The following TNKS variants were observed in gnomAD, a reference collection of about 807,000 sequenced individuals.
TNKS encodes the protein poly [ADP-ribose] polymerase tankyrase-1.
Under a neutral mutation model 135.8 loss-of-function variants are expected in TNKS, and 72 were observed. The observed-to-expected ratio is 0.53, with a 90% CI of 0.44 to 0.64. The LOEUF (loss-of-function observed/expected upper bound fraction) is 0.64. Ranked by LOEUF, TNKS falls within the 30% of genes least tolerant of loss-of-function variation. TNKS has a pLI of 0.00. For synonymous variants in TNKS, 849 were observed against 649.3 expected, an observed-to-expected ratio of 1.31 and a Z score of -4.68; for missense variants, 1,769 against 1,674.0, an observed-to-expected ratio of 1.06 and a Z score of -0.99.
chr8:9,598,947 GT>G (rs917199241), intron 2 of TNKS, among the ~76,000 whole-genome samples: 6 of 151,420 alleles, frequency 4.0e-5, no homozygotes, highest in African/African-American at 1.5e-4. Context: ...CTGATGAAGT[GT>G]TTCTCATGTT....
In TNKS at chr8:9,675,536, G is replaced by A. The variant is rs542699478; in HGVS notation, c.995-4415G>A. Among the ~76,000 whole-genome samples the A allele has an allele frequency of 1.3e-3, 205 of 152,300 alleles. 1 individual carries two copies. The highest frequency in any genetic ancestry group is 2.2e-3 in the Non-Finnish European group (153 of 68,014). On this transcript the variant is annotated intron_variant, in intron 3 of 26. Transcript: ENST00000310430. ...ACCTCAGTGAATTTTCTTTATTCCT[G>A]AAATTCCCTTGGCCCAATAGCCTTT...
intron 3 of TNKS, among the ~76,000 whole-genome samples, chr8:9,673,283 A>G (rs1802383929): frequency 6.6e-6 from 1 of 152,126 alleles, no homozygotes; most frequent in Non-Finnish European, 1.5e-5. Context: ...TGTGTTTTTG[A>G]AATGTTTTAG....
intron 3 of TNKS, among the ~76,000 whole-genome samples, chr8:9,647,975 C>G (rs184769696): frequency 1.3e-5 from 2 of 152,240 alleles, no homozygotes; most frequent in African/African-American, 2.4e-5. Context: ...AGTTATAACA[C>G]AGTGGTAAGC....
At chr8:9,719,693 T>C (rs1452116364) in intron 11 of TNKS, among the ~76,000 whole-genome samples, 2 of 152,106 alleles carry the variant, frequency 1.3e-5, no homozygotes, top group Admixed American at 1.3e-4. Context: ...AGGGTGCTGA[T>C]TGGGATCTGC....
chr8:9,612,120 A>T (rs1275238113), intron 2 of TNKS, among the ~76,000 whole-genome samples: 1 of 152,194 alleles, frequency 6.6e-6, no homozygotes, highest in African/African-American at 2.4e-5. Flanking sequence ...TTATTTTAAA[A>T]GTCATGAGAA....
At chr8:9,649,540 G>C (rs1001893620) in intron 3 of TNKS, among the ~76,000 whole-genome samples, 2 of 152,044 alleles carry the variant, frequency 1.3e-5, no homozygotes, top group Non-Finnish European at 2.9e-5. Context: ...AAGTTCTTTA[G>C]TGGTAATTTC....
intron 1 of TNKS, among the ~76,000 whole-genome samples, chr8:9,564,844 G>A (rs1280774493): frequency 1.3e-5 from 2 of 152,102 alleles, no homozygotes; most frequent in African/African-American, 4.8e-5. Context: ...CCCCTTACGG[G>A]GCTTAATAAA....
intron 17 of TNKS, chr8:9,741,828 AATGCAATCGGTCTCCTG>A: frequency 2.6e-6 from 1 of 386,770 alleles, no homozygotes; most frequent in East Asian, 6.3e-5. Context: ...AGAGAGGTGT[AATGCAATCGGTCTCCTG>A]ACCGGAAGTC....
intron 3 of TNKS, among the ~76,000 whole-genome samples, chr8:9,669,199 A>G (rs1802149463): frequency 1.3e-5 from 2 of 151,484 alleles, no homozygotes; most frequent in Admixed American, 6.6e-5. Context: ...CGGGTGGATC[A>G]TGAGGTCAGG....
chr8:9,571,983 C>G (rs1797774537), intron 1 of TNKS, among the ~76,000 whole-genome samples: 2 of 152,132 alleles, frequency 1.3e-5, no homozygotes, highest in African/African-American at 2.4e-5. Flanking sequence ...CTATCCCAGA[C>G]TTGGTTAAGT....
intron 3 of TNKS, among the ~76,000 whole-genome samples, chr8:9,656,399 G>C (rs1250649731): frequency 1.3e-5 from 2 of 152,036 alleles, no homozygotes; most frequent in Admixed American, 6.6e-5. Context: ...ACTCCACAAA[G>C]ATACTCCTCG....
At chr8:9,717,336 A>G (rs1804664749) in intron 11 of TNKS, among the ~76,000 whole-genome samples, 1 of 151,778 alleles carries the variant, frequency 6.6e-6, no homozygotes, top group Non-Finnish European at 1.5e-5. Context: ...AACTATGCAT[A>G]CCACCAAGGA....
intron 3 of TNKS, among the ~76,000 whole-genome samples, chr8:9,677,386 T>C (rs1028952496): frequency 1.3e-5 from 2 of 152,180 alleles, no homozygotes; most frequent in Non-Finnish European, 2.9e-5. Context: ...TAAACTATGC[T>C]TGATGAGAAG....
chr8:9,698,495 A>G (rs1441837936), intron 5 of TNKS, among the ~76,000 whole-genome samples: 7 of 151,506 alleles, frequency 4.6e-5, no homozygotes, highest in African/African-American at 1.7e-4. Context: ...TTGTACAGTT[A>G]TCTTTAATCT....
chr8:9,674,488 T>C (rs1802449612), intron 3 of TNKS, among the ~76,000 whole-genome samples: 1 of 152,208 alleles, frequency 6.6e-6, no homozygotes, highest in South Asian at 2.1e-4. Context: ...GGTAACTTCT[T>C]ATATGCTCAT....
intron 11 of TNKS, among the ~76,000 whole-genome samples, chr8:9,718,688 T>C (rs888373875): frequency 1.3e-5 from 2 of 152,190 alleles, no homozygotes; most frequent in African/African-American, 4.8e-5. Context: ...AGTGGGAATA[T>C]GTTTTACCTC....
At chr8:9,746,969 G>A (rs1321519335) in intron 17 of TNKS, among the ~76,000 whole-genome samples, 6 of 140,448 alleles carry the variant, frequency 4.3e-5, no homozygotes, top group African/African-American at 1.4e-4. Flanking sequence ...TGCAACCTCC[G>A]CCTTTTGGGT....
chr8:9,760,203 G>GTATT (rs1807074987), intron 20 of TNKS, among the ~76,000 whole-genome samples: 1 of 152,134 alleles, frequency 6.6e-6, no homozygotes, highest in Non-Finnish European at 1.5e-5. Context: ...TCAAAGATGT[G>GTATT]TATTTCAGAA....
At chr8:9,695,259 A>G (rs1031078908) in intron 5 of TNKS, among the ~76,000 whole-genome samples, 2 of 152,234 alleles carry the variant, frequency 1.3e-5, no homozygotes, top group Non-Finnish European at 2.9e-5. Flanking sequence ...TTTAATTCTA[A>G]TATTAATCCT....
Sources: gnomAD v4.1 joint callset for allele counts (sites outside exome capture counted in the v4.1 genomes callset) on GRCh38, gnomAD v4.1.1 for gene constraint, MANE v1.5 for transcripts, NCBI Gene and HGNC (gene_info 2026-07-23, HGNC 2026-07-21) for gene names.